PTPRS: variants seen among roughly 807,000 people sequenced by gnomAD.
PTPRS encodes the protein protein tyrosine phosphatase receptor type S.
In PTPRS, 63 loss-of-function variants were observed where a neutral mutation model predicts 215.3. The observed-to-expected ratio is 0.29, with a 90% CI of 0.24 to 0.36. The LOEUF is 0.36. Ranked by LOEUF, PTPRS falls within the 10% of genes least tolerant of loss-of-function variation. PTPRS has a pLI of 1.00. For missense variants in PTPRS, 2,258 were observed against 2,825.8 expected (o/e 0.80, Z 4.56); for synonymous variants, 1,404 against 1,191.4 (o/e 1.18, Z -3.68).
chr19:5,316,670 G>A (rs1000889718), intron 1 of PTPRS, among the ~76,000 whole-genome samples: 1 of 152,198 alleles, frequency 6.6e-6, no homozygotes, highest in Admixed American at 6.5e-5. Context: ...TGGGATTACA[G>A]GCATGAGCCA....
chr19:5,211,034 G>A (rs955867145), intron 33 of PTPRS, among the ~76,000 whole-genome samples: 1 of 152,124 alleles, frequency 6.6e-6, no homozygotes, highest in African/African-American at 2.4e-5. Flanking sequence ...CAAAGCTGCG[G>A]GACTATCCAC....
intron 1 of PTPRS, among the ~76,000 whole-genome samples, chr19:5,325,593 G>T (rs2050147508): frequency 6.6e-6 from 1 of 152,224 alleles, no homozygotes; most frequent in Non-Finnish European, 1.5e-5. Context: ...GTCAGAAGCA[G>T]TGGCCACGAC....
chr19:5,306,477 T>C (rs985055529), intron 1 of PTPRS, among the ~76,000 whole-genome samples: 13 of 152,116 alleles, frequency 8.5e-5, no homozygotes, highest in African/African-American at 3.1e-4. Flanking sequence ...GTGAAAATGA[T>C]ATTCTGTTCG....
chr19:5,279,604 C>A (rs370624059), intron 2 of PTPRS, among the ~76,000 whole-genome samples: 4 of 152,302 alleles, frequency 2.6e-5, no homozygotes, highest in African/African-American at 9.6e-5. Context: ...CTCCTGGGCT[C>A]AAGTGAACCT....
At chr19:5,281,163 G>A (rs1401667436) in intron 2 of PTPRS, among the ~76,000 whole-genome samples, 1 of 151,620 alleles carries the variant, frequency 6.6e-6, no homozygotes, top group Non-Finnish European at 1.5e-5. Flanking sequence ...ATGTTAATGG[G>A]TTCACAGAGC....
intron 1 of PTPRS, among the ~76,000 whole-genome samples, chr19:5,331,188 T>C (rs1270779046): frequency 1.4e-5 from 2 of 142,808 alleles, no homozygotes; most frequent in Non-Finnish European, 3.0e-5. Flanking sequence ...TGGAGTGGAG[T>C]GATGCAATCA....
intron 1 of PTPRS, among the ~76,000 whole-genome samples, chr19:5,304,044 C>A (rs1253359140): frequency 6.6e-6 from 1 of 152,084 alleles, no homozygotes; most frequent in East Asian, 1.9e-4. Context: ...ACTGTCACAC[C>A]CCAGTAATGA....
At chr19:5,308,357 C>A (rs1214020957) in intron 1 of PTPRS, among the ~76,000 whole-genome samples, 3 of 152,172 alleles carry the variant, frequency 2.0e-5, no homozygotes, top group Non-Finnish European at 4.4e-5. Context: ...AAATGCCCGT[C>A]TAATCATCCA....
intron 13 of PTPRS, among the ~76,000 whole-genome samples, chr19:5,232,961 G>A (rs535295692): frequency 3.9e-5 from 5 of 129,744 alleles, no homozygotes; most frequent in East Asian, 2.6e-4. Context: ...TGTGCCTGGC[G>A]CCATGCCAAG....
intron 30 of PTPRS, among the ~76,000 whole-genome samples, chr19:5,213,862 CACAGATGGAGAAAA>C (rs367638225): frequency 5.8e-4 from 89 of 152,306 alleles, no homozygotes; most frequent in African/African-American, 2.0e-3. Context: ...AATTCAGAAC[CACAGATGGAGAAAA>C]ACAGATGGAA....
rs751470276 is a variant in PTPRS at position 5,231,605 on chromosome 19, G to A, written c.1860C>T (p.Ala620=). ...TGACACATTTAACGTCTTGAGGGGG[G>A]GCTGACGGTTCTATTGGAGGGGGGG... is the stretch of plus-strand genomic sequence containing the variant. The part of the protein sequence containing the change: ...RQRTLQSKPS[A]PPQDVKCVSV... Residue 620 remains alanine, a synonymous_variant, in exon 14 of 38, where the codon GCC becomes GCT. Transcript: ENST00000262963. 20 of 1,396,682 alleles carry A rather than the reference G, an allele frequency of 1.4e-5. No individual in the cohort carries two copies. The South Asian group carries it at 2.0e-4, about 14-fold the overall frequency. 86.5% of individuals were successfully genotyped at this position (1,396,682 alleles called of 1,614,324 possible). A position where few individuals can be genotyped will look rare whatever the true frequency, so the allele number is the denominator to read the frequency against.
chr19:5,273,492 T>C lies in PTPRS; in HGVS notation c.329A>G (p.Gln110Arg). The C allele has an allele frequency of 6.2e-7, 1 of 1,614,208 alleles. No homozygotes were observed. The highest frequency in any genetic ancestry group is 1.3e-5 in the African/African-American group (1 of 75,054). ...GACTGTGATCTCCCCAACCGAGTTCTGGGCCACACACTCGTACACGTTTTC... is the reference window on the plus strand; with the variant it reads ...GACTGTGATCTCCCCAACCGAGTTCCGGGCCACACACTCGTACACGTTTTC... ...RDENVYECVA[Q>R]NSVGEITVHA... Residue 110 changes from glutamine to arginine, a missense_variant, in exon 4 of 38, where the codon CAG becomes CGG. Coordinates refer to ENST00000262963, the MANE Select transcript of PTPRS (RefSeq NM_002850.4).
At chr19:5,256,474 C>T (rs994557665) in intron 8 of PTPRS, among the ~76,000 whole-genome samples, 2 of 152,000 alleles carry the variant, frequency 1.3e-5, no homozygotes, top group African/African-American at 4.8e-5. Flanking sequence ...TGCTGGGGAC[C>T]CCACCTCTGG....
chr19:5,288,161 C>T (rs1364883493), intron 1 of PTPRS, among the ~76,000 whole-genome samples: 1 of 152,088 alleles, frequency 6.6e-6, no homozygotes, highest in Non-Finnish European at 1.5e-5. Context: ...CAGGGAACTG[C>T]AAACATGCAA....
At chr19:5,224,637 G>C (rs1368172363) in intron 17 of PTPRS, among the ~76,000 whole-genome samples, 1 of 152,200 alleles carries the variant, frequency 6.6e-6, no homozygotes, top group Non-Finnish European at 1.5e-5. Flanking sequence ...TGAATACCCA[G>C]GGTGGTGGGG....
intron 14 of PTPRS, among the ~76,000 whole-genome samples, chr19:5,229,910 C>CT (rs1012254816): frequency 1.3e-4 from 20 of 151,940 alleles, no homozygotes; most frequent in Non-Finnish European, 2.7e-4. Context: ...AGGCTGCCCC[C>CT]CCCCGAGTCT....
At chr19:5,324,298 G>A (rs139772175) in intron 1 of PTPRS, among the ~76,000 whole-genome samples, 6 of 150,664 alleles carry the variant, frequency 4.0e-5, no homozygotes, top group South Asian at 2.1e-4. Context: ...AGTACTCAGC[G>A]CACAGTCCGG....
chr19:5,327,975 C>T (rs2050215277), intron 1 of PTPRS, among the ~76,000 whole-genome samples: 1 of 152,198 alleles, frequency 6.6e-6, no homozygotes, highest in Non-Finnish European at 1.5e-5. Context: ...TTGGGCCTCT[C>T]ACCTTCTCCT....
chr19:5,231,857 C>T (rs894007170), intron 13 of PTPRS, among the ~76,000 whole-genome samples: 2 of 152,182 alleles, frequency 1.3e-5, no homozygotes, highest in Non-Finnish European at 2.9e-5. Context: ...ACCCTGTGCT[C>T]ACCAGGCTGC....
Sources: allele counts gnomAD v4.1 joint callset (sites outside exome capture counted in the v4.1 genomes callset), GRCh38; gene constraint gnomAD v4.1.1; transcripts MANE v1.5; gene names NCBI Gene and HGNC (gene_info 2026-07-23, HGNC 2026-07-21).